The following GRK5 variants were observed in gnomAD, a reference collection of about 807,000 sequenced individuals.
GRK5 encodes the protein g protein-coupled receptor kinase GRK5.
GRK5 carries 40 observed loss-of-function variants against 78.4 expected under a neutral mutation model. The observed-to-expected ratio is 0.51, with a 90% CI of 0.40 to 0.66. The LOEUF is 0.66. GRK5 is among the 30% of genes least tolerant of loss of function. The pLI is 0.00. For synonymous variants in GRK5, 289 were observed against 296.8 expected (o/e 0.97, Z 0.27); for missense variants, 598 against 759.9 (o/e 0.79, Z 2.50).
intron 12 of GRK5, 47 bp from the exon 13 acceptor site, chr10:119,448,076 G>A: frequency 3.3e-6 from 5 of 1,494,314 alleles, no homozygotes; most frequent in Non-Finnish European, 4.4e-6. Context: ...GGTCCGGACA[G>A]GAGGAGAGGC....
chr10:119,379,730 C>A lies in GRK5; in HGVS notation c.149-1085C>A, dbSNP rs1851682450. ...ATGTTTCAGTGGTTCCTTCGAGTAT[C>A]TTCCTGGCCAGAGAGAACTTCTTGG... On this transcript the variant is annotated intron_variant, in intron 2 of 15. Transcript: ENST00000392870. This position sits in a 1 kb window ranked among gnomAD's most constrained non-coding sequence, Gnocchi z 4.1. Among the ~76,000 whole-genome samples the A allele has an allele frequency of 6.6e-6, 1 of 152,222 alleles. No homozygotes were observed. Among genetic ancestry groups the A allele is most frequent in the South Asian group, 2.1e-4 (1 of 4,826 alleles).
At chr10:119,442,571 G>A (rs1853059745) in intron 11 of GRK5, among the ~76,000 whole-genome samples, 1 of 152,254 alleles carries the variant, frequency 6.6e-6, no homozygotes, top group Non-Finnish European at 1.5e-5. Context: ...CCTGGGGGTT[G>A]CAGGGAAGAG....
At chr10:119,441,130 G>C (rs376870297) in intron 10 of GRK5, among the ~76,000 whole-genome samples, 2 of 152,350 alleles carry the variant, frequency 1.3e-5, no homozygotes, top group South Asian at 2.1e-4. Flanking sequence ...GAGGGCCCAG[G>C]CCTGCCGCCC....
At chr10:119,218,670 G>A (rs1417113755) in intron 1 of GRK5, among the ~76,000 whole-genome samples, 3 of 152,152 alleles carry the variant, frequency 2.0e-5, no homozygotes, top group Non-Finnish European at 4.4e-5. Context: ...CAAAGGATTG[G>A]ACCATCGACT....
intron 1 of GRK5, among the ~76,000 whole-genome samples, chr10:119,239,420 A>G (rs1020816322): frequency 5.9e-5 from 9 of 152,074 alleles, no homozygotes; most frequent in African/African-American, 2.2e-4. Flanking sequence ...TATTTTTAGT[A>G]GAGATGGGGT....
At chr10:119,454,530 C>T (rs560548444) in intron 15 of GRK5, among the ~76,000 whole-genome samples, 4 of 152,380 alleles carry the variant, frequency 2.6e-5, no homozygotes, top group South Asian at 2.1e-4. Flanking sequence ...CCATCTCTCC[C>T]AGGCCGGCCC....
chr10:119,427,299 A>ACAGCATCACCGCCATCAT (rs1852706506), intron 6 of GRK5, among the ~76,000 whole-genome samples: 2 of 150,508 alleles, frequency 1.3e-5, no homozygotes, highest in African/African-American at 2.5e-5. Flanking sequence ...ATCGCCATCA[A>ACAGCATCACCGCCATCAT]CAGCATCACT....
intron 2 of GRK5, among the ~76,000 whole-genome samples, chr10:119,365,335 T>C (rs1243382552): frequency 1.3e-5 from 2 of 152,262 alleles, no homozygotes; most frequent in African/African-American, 2.4e-5. Flanking sequence ...TGTTGCTTTT[T>C]TCCCCCTCTT....
chr10:119,358,860 G>C (rs995571107), intron 2 of GRK5, among the ~76,000 whole-genome samples: 3 of 152,150 alleles, frequency 2.0e-5, no homozygotes, highest in African/African-American at 7.2e-5. Flanking sequence ...GCCCTTGCTG[G>C]TTTGTAGATC....
At chr10:119,377,013 C>G (rs573842755) in intron 2 of GRK5, among the ~76,000 whole-genome samples, 2 of 152,222 alleles carry the variant, frequency 1.3e-5, no homozygotes, top group South Asian at 4.1e-4. Context: ...TGTGTGTGGA[C>G]AGTGTGTGTG....
intron 4 of GRK5, among the ~76,000 whole-genome samples, chr10:119,401,381 T>C (rs1394615380): frequency 6.6e-6 from 1 of 152,160 alleles, no homozygotes; most frequent in Non-Finnish European, 1.5e-5. Context: ...CAAGGCCAGC[T>C]TTGCTTTGGG....
chr10:119,233,606 T>C (rs141151174), intron 1 of GRK5, among the ~76,000 whole-genome samples: 1 of 152,290 alleles, frequency 6.6e-6, no homozygotes, highest in African/African-American at 2.4e-5. Flanking sequence ...GTTTCCTGTT[T>C]GGGTGAACGT....
intron 1 of GRK5, among the ~76,000 whole-genome samples, chr10:119,273,489 C>T (rs1451782357): frequency 1.3e-5 from 2 of 152,158 alleles, no homozygotes; most frequent in Non-Finnish European, 2.9e-5. Flanking sequence ...TAATGGATGT[C>T]TGGGGCAGGG....
At chr10:119,310,758 C>T (rs58020469) in intron 1 of GRK5, among the ~76,000 whole-genome samples, 5 of 152,250 alleles carry the variant, frequency 3.3e-5, no homozygotes, top group African/African-American at 7.2e-5. Context: ...GTGCCCACCT[C>T]GTGCCTCACA....
At chr10:119,304,981 C>G (rs535541252) in intron 1 of GRK5, among the ~76,000 whole-genome samples, 1 of 152,118 alleles carries the variant, frequency 6.6e-6, no homozygotes, top group Non-Finnish European at 1.5e-5. Context: ...TCCCTTCCCT[C>G]TCTCCTCTCC....
At chr10:119,344,265 G>T (rs1851036582) in intron 2 of GRK5, among the ~76,000 whole-genome samples, 1 of 151,554 alleles carries the variant, frequency 6.6e-6, no homozygotes, top group Non-Finnish European at 1.5e-5. Context: ...GTGCCATGTT[G>T]GTGTGCTGCA....
intron 1 of GRK5, among the ~76,000 whole-genome samples, chr10:119,290,171 A>G (rs1295301123): frequency 6.6e-6 from 1 of 151,688 alleles, no homozygotes; most frequent in Non-Finnish European, 1.5e-5. Context: ...ACATGGTGAA[A>G]CCCTGTCTCT....
chr10:119,263,849 AC>A (rs1849451462), intron 1 of GRK5, among the ~76,000 whole-genome samples: 1 of 152,156 alleles, frequency 6.6e-6, no homozygotes, highest in Non-Finnish European at 1.5e-5. Context: ...AATGGCATGA[AC>A]CCAGGAGGGA....
chr10:119,345,539 TGTTTCTAGCTG>T (rs1851076408), intron 2 of GRK5, among the ~76,000 whole-genome samples: 1 of 152,244 alleles, frequency 6.6e-6, no homozygotes, highest in South Asian at 2.1e-4. Context: ...TTTGGTCCTC[TGTTTCTAGCTG>T]GTATCTTTTT....
Sources: gnomAD v4.1 joint callset for allele counts (sites outside exome capture counted in the v4.1 genomes callset) on GRCh38, gnomAD v4.1.1 for gene constraint, Gnocchi (gnomAD v3.1) non-coding constraint, MANE v1.5 for transcripts, NCBI Gene and HGNC (gene_info 2026-07-23, HGNC 2026-07-21) for gene names.